The following TAF1 variants were observed in gnomAD, a reference collection of about 807,000 sequenced individuals.
TAF1 encodes the protein transcription initiation factor TFIID subunit 1.
A neutral mutation model predicts 138.5 loss-of-function variants in TAF1; 2 were observed. That is an observed-to-expected ratio of 0.01 (90% CI 0.01 to 0.05). TAF1 has a LOEUF of 0.05. Among genes scored for constraint, TAF1 ranks in the 10% least tolerant of loss-of-function variants. The probability of loss-of-function intolerance (pLI) is 1.00; values close to 1 mark genes in which losing one functional copy is unlikely to be tolerated. For synonymous variants in TAF1, 437 were observed against 503.2 expected (o/e 0.87, Z 1.76); for missense variants, 709 against 1,478.0 (o/e 0.48, Z 8.53).
At chrX:71,504,335 C>T (rs1207172007) in intron 13 of TAF1, among the ~76,000 whole-genome samples, 1 of 110,354 alleles carries the variant, frequency 9.1e-6, no homozygotes, top group Non-Finnish European at 1.9e-5. Context: ...TCTGGGAACT[C>T]ATTTCATTGA....
chrX:71,455,293 GA>G (rs1478573130), intron 34 of TAF1, among the ~76,000 whole-genome samples: 1 of 111,540 alleles, frequency 9.0e-6, no homozygotes, highest in Admixed American at 9.6e-5. Flanking sequence ...GTGTAGCTCA[GA>G]AGTCACCCAT....
chrX:71,392,855 C>CTTTTTT lies in TAF1; in HGVS notation c.2932-17_2932-12dup. On this transcript the variant is annotated intron_variant, in intron 19 of 37. Coordinates refer to ENST00000423759, the MANE Select transcript of TAF1 (RefSeq NM_004606.5). ...GGAATTCAGGTTTTTAGGAGTCTCA[C>CTTTTTT]TTTTTTTTGTTTGAGGTAGGATGAT... is the stretch of plus-strand genomic sequence containing the variant. 8.3e-7 allele frequency: 1 copy of CTTTTTT among 1,206,771 alleles called. No homozygotes were observed. The highest frequency in any genetic ancestry group is 2.2e-5 in the Admixed American group (1 of 45,196).
intron 25 of TAF1, among the ~76,000 whole-genome samples, chrX:71,405,577 C>G (rs1379423962): frequency 8.9e-6 from 1 of 112,356 alleles, no homozygotes; most frequent in Non-Finnish European, 1.9e-5. Context: ...TCTCGAACTT[C>G]TGAGCTCAGG....
rs1373058493 is a variant in TAF1 at position 71,378,755 on chromosome X, T to G, written c.1153-69T>G. On this transcript the variant is annotated intron_variant, in intron 7 of 37. Coordinates refer to ENST00000423759, the MANE Select transcript of TAF1 (RefSeq NM_004606.5). Reference sequence around the variant, plus strand: ...CAATGTGTCTGATGTATCTTTAATGTGGAATTTGGAGTGGAAACCTTGACC... The same window carrying G: ...CAATGTGTCTGATGTATCTTTAATGGGGAATTTGGAGTGGAAACCTTGACC... The G allele has an allele frequency of 1.1e-5, 12 of 1,063,990 alleles. 1 individual carries two copies. The highest frequency in any genetic ancestry group is 3.5e-4 in the Middle Eastern group (1 of 2,877). The allele number at this position is 1,063,990 out of a possible 1,213,427, so 87.7% of individuals were successfully genotyped here.
In TAF1 at chrX:71,382,875, A is replaced by G; in HGVS notation, c.1773+7A>G. 1 of 1,201,485 alleles carries G rather than the reference A, an allele frequency of 8.3e-7. No homozygotes were observed. The highest frequency in any genetic ancestry group is 1.1e-6 in the Non-Finnish European group (1 of 890,542). ...TGGAGGGAATATTATCCAGGTACAAATAGTGTCTTTTCTGTGATAGAGGAG... is the reference window on the plus strand; with the variant it reads ...TGGAGGGAATATTATCCAGGTACAAGTAGTGTCTTTTCTGTGATAGAGGAG... On this transcript the variant is annotated splice_region_variant and intron_variant, in intron 11 of 37. Transcript: ENST00000423759.
At chrX:71,510,909 G>T (rs1274818250) in intron 13 of TAF1, among the ~76,000 whole-genome samples, 1 of 111,124 alleles carries the variant, frequency 9.0e-6, no homozygotes, top group Non-Finnish European at 1.9e-5. Flanking sequence ...TTGAAGACCA[G>T]CCTGACCAAC....
chrX:71,513,880 G>A (rs1018016266), intron 13 of TAF1, among the ~76,000 whole-genome samples: 11 of 110,658 alleles, frequency 9.9e-5, no homozygotes, highest in African/African-American at 1.6e-4. Flanking sequence ...ACCAATCAGC[G>A]CTCTGTGTCT....
chrX:71,486,630 G>A (rs765851224), intron 13 of TAF1, among the ~76,000 whole-genome samples: 6 of 109,126 alleles, frequency 5.5e-5, no homozygotes, highest in African/African-American at 2.0e-4. Flanking sequence ...GATTACCGGC[G>A]TGAGCCATCA....
rs192015612 is a variant in TAF1, at chrX:71,379,145, C to T, written c.1360+114C>T. ...TTTTTTTTTCGGTGAGACAGAGTTTCGCTCTTGTTGCCCAGGATGGAGTGC... is the reference window on the plus strand; with the variant it reads ...TTTTTTTTTCGGTGAGACAGAGTTTTGCTCTTGTTGCCCAGGATGGAGTGC... On this transcript the variant is annotated intron_variant, in intron 8 of 37. Coordinates refer to ENST00000423759, the MANE Select transcript of TAF1 (RefSeq NM_004606.5). The T allele has an allele frequency of 1.2e-3, 904 of 758,890 alleles. 9 individuals carry two copies. In the African/African-American group the frequency reaches 0.022, roughly 19 times the overall value. The allele number at this position is 758,890 out of a possible 1,213,427, so 62.5% of individuals were successfully genotyped here. A position where few individuals can be genotyped will look rare whatever the true frequency, so the allele number is the denominator to read the frequency against.
chrX:71,456,649 CTTTTTTTTTTTTTTTTTTTTTTTTTTTT>C lies in TAF1; in HGVS notation c.4939-1576_4939-1549del, dbSNP rs776321706. Among the ~76,000 whole-genome samples, 62 of 26,828 alleles carry C rather than the reference CTTTTTTTTTTTTTTTTTTTTTTTTTTTT, an allele frequency of 2.3e-3. 1 individual carries two copies. The highest frequency in any genetic ancestry group is 3.9e-3 in the African/African-American group (24 of 6,186). The allele number at this position is 26,828 out of a possible 115,157, so 23.3% of individuals were successfully genotyped here. A position where few individuals can be genotyped will look rare whatever the true frequency, so the allele number is the denominator to read the frequency against. On this transcript the variant is annotated intron_variant, in intron 34 of 37. Coordinates refer to ENST00000423759, the MANE Select transcript of TAF1 (RefSeq NM_004606.5). The stretch of plus-strand genomic sequence containing the variant: ...ATGGTGGTGGTCAATAATGTATTTT[CTTTTTTTTTTTTTTTTTTTTTTTTTTTT>C]TTTTTTTTTTTTTTTGAGACCGAGT...
chrX:71,399,462 T>C (rs933913062), intron 24 of TAF1, among the ~76,000 whole-genome samples: 1 of 106,883 alleles, frequency 9.4e-6, no homozygotes, highest in African/African-American at 3.4e-5. Flanking sequence ...TTCACCATTT[T>C]GGCCAGGCTG....
intron 12 of TAF1, among the ~76,000 whole-genome samples, chrX:71,383,423 C>T (rs921709448): frequency 8.9e-6 from 1 of 111,996 alleles, no homozygotes; most frequent in Non-Finnish European, 1.9e-5. Flanking sequence ...AAAAAAATGG[C>T]GAAATATAAA....
At chrX:71,460,140 C>T (rs895035684) in intron 36 of TAF1, among the ~76,000 whole-genome samples, 14 of 111,676 alleles carry the variant, frequency 1.3e-4, no homozygotes, top group African/African-American at 4.2e-4. Context: ...AGTTAGGAGG[C>T]TGAGGCAGGA....
chrX:71,453,163 G>GTT (rs2038120087), intron 32 of TAF1, among the ~76,000 whole-genome samples: 1 of 111,465 alleles, frequency 9.0e-6, no homozygotes, highest in Admixed American at 9.5e-5. Flanking sequence ...CAGTTGGTTT[G>GTT]TTTTTAGAGC....
At chrX:71,401,485 A>G (rs780963205) in intron 24 of TAF1, 43 bp from the exon 25 acceptor site, 58 of 1,194,469 alleles carry the variant, frequency 4.9e-5, no homozygotes, top group East Asian at 3.0e-5. Flanking sequence ...TATGTGTTTC[A>G]GCCTACTTAC....
At chrX:71,468,155 G>A (rs1394918127), downstream of TAF1, among the ~76,000 whole-genome samples, 4 of 109,977 alleles carry the variant, frequency 3.6e-5, no homozygotes, top group Non-Finnish European at 7.6e-5. Flanking sequence ...TACTTAGGAG[G>A]CTGAGGTGGG....
At chrX:71,496,811 C>G (rs2039406527) in intron 13 of TAF1, among the ~76,000 whole-genome samples, 1 of 111,474 alleles carries the variant, frequency 9.0e-6, no homozygotes, top group African/African-American at 3.3e-5. Context: ...CTGTCTCTCT[C>G]TTTCTGTCTC....
In TAF1 at chrX:71,528,718, C is replaced by T. The variant is rs369822343; in HGVS notation, c.*167C>T. Reference sequence around the variant, plus strand: ...CTGACTTCAAGAATGAAGCCGTGGACCTTCGCGGTGAGTGTTACAGCTCTT... The same window carrying T: ...CTGACTTCAAGAATGAAGCCGTGGATCTTCGCGGTGAGTGTTACAGCTCTT... On this transcript the variant is annotated 3_prime_UTR_variant and NMD_transcript_variant, in exon 14 of 15. Transcript: ENST00000373775. The T allele has an allele frequency of 9.2e-4, 303 of 327,977 alleles. 1 individual carries two copies. The highest frequency in any genetic ancestry group is 7.8e-3 in the African/African-American group (293 of 37,646). The allele number at this position is 327,977 out of a possible 1,213,427, so 27.0% of individuals were successfully genotyped here.
At chrX:71,430,968 G>T (rs1242343462) in intron 32 of TAF1, among the ~76,000 whole-genome samples, 2 of 105,942 alleles carry the variant, frequency 1.9e-5, no homozygotes, top group East Asian at 5.9e-4. Flanking sequence ...CTTTTAATAG[G>T]TAGTTAGCTG....
Sources: allele counts gnomAD v4.1 joint callset (sites outside exome capture counted in the v4.1 genomes callset), GRCh38; gene constraint gnomAD v4.1.1; transcripts MANE v1.5; gene names NCBI Gene and HGNC (gene_info 2026-07-23, HGNC 2026-07-21).